AMBRA1: variants seen among roughly 807,000 people sequenced by gnomAD.
AMBRA1 encodes autophagy and beclin 1 regulator 1, also known as activating molecule in BECN1-regulated autophagy protein 1.
AMBRA1 carries 47 observed loss-of-function variants against 125.4 expected under a neutral mutation model. The observed-to-expected ratio is 0.37, with a 90% confidence interval of 0.30 to 0.48. The LOEUF is 0.48. Among genes scored for constraint, AMBRA1 ranks in the 20% least tolerant of loss-of-function variants. AMBRA1 has a pLI of 0.99. For missense variants in AMBRA1, 1,331 were observed against 1,693.4 expected (o/e 0.79, Z 3.76); for synonymous variants, 626 against 655.5 (o/e 0.95, Z 0.69).
At chr11:46,504,475 C>T (rs537028877) in intron 9 of AMBRA1, 15 of 152,326 alleles carry the variant, frequency 9.8e-5, no homozygotes, top group African/African-American at 3.1e-4. Context: ...TGGGCAGCCA[C>T]ACCTTTACCC....
intron 11 of AMBRA1, among the ~76,000 whole-genome samples, chr11:46,479,731 A>G (rs1949980545): frequency 6.6e-6 from 1 of 152,168 alleles, no homozygotes; most frequent in Non-Finnish European, 1.5e-5. Context: ...GAAGAAGCAC[A>G]GGTTAGTTTA....
chr11:46,498,764 T>C (rs939573651), intron 9 of AMBRA1, among the ~76,000 whole-genome samples: 2 of 152,230 alleles, frequency 1.3e-5, no homozygotes, highest in Non-Finnish European at 2.9e-5. Flanking sequence ...AATGAAGCTC[T>C]TGCAGCAAAA....
chr11:46,436,738 A>G (rs901897176), intron 12 of AMBRA1, among the ~76,000 whole-genome samples: 1 of 152,258 alleles, frequency 6.6e-6, no homozygotes, highest in Admixed American at 6.5e-5. Context: ...AACCAAAGGA[A>G]CTGGGAGAAG....
chr11:46,555,314 G>T lies in AMBRA1; in HGVS notation c.-120-6814C>A, dbSNP rs556537087. Among the ~76,000 whole-genome samples the T allele has an allele frequency of 5.3e-5, 8 of 152,290 alleles. No individual in the cohort carries two copies. In the East Asian group the frequency reaches 1.5e-3, roughly 29 times the overall value. On this transcript the variant is annotated intron_variant, in intron 1 of 17. Coordinates refer to ENST00000683756, the MANE Select transcript of AMBRA1 (RefSeq NM_001387011.1). ...TAGAAGTTAGATTTAGAGGTTCCTT[G>T]TGCAATCTGATTATCTTATGCCAGG...
intron 5 of AMBRA1, among the ~76,000 whole-genome samples, chr11:46,545,324 T>C (rs565701748): frequency 6.6e-6 from 1 of 151,624 alleles, no homozygotes; most frequent in Non-Finnish European, 1.5e-5. Flanking sequence ...GAGCCGGGCA[T>C]GGTGGTGGGT....
chr11:46,409,806 G>A (rs373518901), intron 16 of AMBRA1, among the ~76,000 whole-genome samples: 2 of 152,236 alleles, frequency 1.3e-5, no homozygotes, highest in Admixed American at 6.5e-5. Flanking sequence ...ACAACCCAGC[G>A]CTTTGTTCCA....
chr11:46,565,257 T>TA lies in AMBRA1; in HGVS notation c.-120-16758dup, dbSNP rs554319934. 5.0e-3 allele frequency among the ~76,000 whole-genome samples: 722 copies of TA among 143,248 alleles called. 3 individuals are homozygous for TA. The highest frequency in any genetic ancestry group is 0.014 in the African/African-American group (551 of 39,150). 94.0% of individuals were successfully genotyped at this position (143,248 alleles called of 152,430 possible). ...CTGGGAGACAGAGAAAAATTCCCTCTAAAAAAAAAACGAAAAGGAAAAAGA... is the reference window on the plus strand; with the variant it reads ...CTGGGAGACAGAGAAAAATTCCCTCTAAAAAAAAAAACGAAAAGGAAAAAGA... On this transcript the variant is annotated intron_variant, in intron 1 of 17. Coordinates refer to ENST00000683756, the MANE Select transcript of AMBRA1 (RefSeq NM_001387011.1).
chr11:46,533,250 C>A (rs1313062313), intron 7 of AMBRA1, among the ~76,000 whole-genome samples: 2 of 148,522 alleles, frequency 1.3e-5, no homozygotes, highest in African/African-American at 4.9e-5. Flanking sequence ...TTAACACACA[C>A]ACAAATTGTT....
intron 11 of AMBRA1, among the ~76,000 whole-genome samples, chr11:46,468,045 G>A (rs1006695197): frequency 6.6e-6 from 1 of 152,168 alleles, no homozygotes; most frequent in African/African-American, 2.4e-5. Context: ...GTTTACTTAG[G>A]AAAACATGGT....
At chr11:46,536,574 T>C (rs1473989967) in intron 7 of AMBRA1, among the ~76,000 whole-genome samples, 1 of 152,220 alleles carries the variant, frequency 6.6e-6, no homozygotes, top group Admixed American at 6.5e-5. Context: ...CTAAGAAGAC[T>C]GCTACTTTCC....
intron 11 of AMBRA1, among the ~76,000 whole-genome samples, chr11:46,462,907 C>G (rs1949157477): frequency 6.6e-6 from 1 of 152,124 alleles, no homozygotes; most frequent in Non-Finnish European, 1.5e-5. Flanking sequence ...GCGTGCACCA[C>G]CATGTCTGGC....
chr11:46,472,085 A>C (rs1949622130), intron 11 of AMBRA1, among the ~76,000 whole-genome samples: 1 of 152,266 alleles, frequency 6.6e-6, no homozygotes, highest in Non-Finnish European at 1.5e-5. Context: ...GTCAAAGGAC[A>C]CATTGTGGAG....
At chr11:46,493,363 A>G (rs1170073561) in intron 11 of AMBRA1, among the ~76,000 whole-genome samples, 1 of 152,252 alleles carries the variant, frequency 6.6e-6, no homozygotes, top group East Asian at 1.9e-4. Flanking sequence ...AAATGGTTTA[A>G]ACAAATAATT....
chr11:46,468,429 T>C (rs911909784), intron 11 of AMBRA1, among the ~76,000 whole-genome samples: 1 of 151,640 alleles, frequency 6.6e-6, no homozygotes, highest in African/African-American at 2.4e-5. Flanking sequence ...CTTGGCTCAA[T>C]GTAACTCTGA....
At chr11:46,407,251 A>C (rs1303139889) in intron 17 of AMBRA1, among the ~76,000 whole-genome samples, 1 of 152,198 alleles carries the variant, frequency 6.6e-6, no homozygotes, top group Non-Finnish European at 1.5e-5. Context: ...GGGCTGCCTA[A>C]GAGAATGGCC....
chr11:46,441,969 AC>A (rs1395510678), intron 12 of AMBRA1, among the ~76,000 whole-genome samples: 6 of 141,694 alleles, frequency 4.2e-5, no homozygotes, highest in East Asian at 2.0e-4. Flanking sequence ...AAAAAAAAAA[AC>A]TTTTTTTTTT....
chr11:46,563,240 TC>T (rs2043398612), intron 1 of AMBRA1, among the ~76,000 whole-genome samples: 2 of 152,042 alleles, frequency 1.3e-5, no homozygotes, highest in African/African-American at 4.8e-5. Context: ...AGACCTCATC[TC>T]TTTTTTTTGT....
At chr11:46,442,276 G>C (rs891299865) in intron 12 of AMBRA1, among the ~76,000 whole-genome samples, 8 of 151,930 alleles carry the variant, frequency 5.3e-5, no homozygotes, top group Admixed American at 5.3e-4. Context: ...CCGAGTAGCT[G>C]GGAAAACAGG....
intron 7 of AMBRA1, among the ~76,000 whole-genome samples, chr11:46,536,060 C>G (rs1952461213): frequency 6.6e-6 from 1 of 152,220 alleles, no homozygotes; most frequent in Non-Finnish European, 1.5e-5. Flanking sequence ...GAGCCAATGA[C>G]TCTCTGTAAG....
Sources: gnomAD v4.1 joint callset for allele counts (sites outside exome capture counted in the v4.1 genomes callset) on GRCh38, gnomAD v4.1.1 for gene constraint, MANE v1.5 for transcripts, NCBI Gene and HGNC (gene_info 2026-07-23, HGNC 2026-07-21) for gene names.